The following KCNH1 variants were observed in gnomAD, a reference collection of about 807,000 sequenced individuals.
KCNH1 encodes voltage-gated delayed rectifier potassium channel KCNH1.
A neutral mutation model predicts 69.2 loss-of-function variants in KCNH1; 27 were observed. The observed-to-expected ratio is 0.39, with a 90% CI of 0.29 to 0.54. The LOEUF (loss-of-function observed/expected upper bound fraction) is 0.54. KCNH1 is among the 20% of genes least tolerant of loss of function. The probability of loss-of-function intolerance (pLI) is 0.68; values close to 1 mark genes in which losing one functional copy is unlikely to be tolerated. For missense variants in KCNH1, 798 were observed against 1,261.6 expected (o/e 0.63, Z 5.57); for synonymous variants, 456 against 487.7 (o/e 0.93, Z 0.86).
intron 7 of KCNH1, among the ~76,000 whole-genome samples, chr1:210,815,620 G>A (rs201817298): frequency 1.4e-4 from 22 of 152,162 alleles, no homozygotes; most frequent in East Asian, 7.7e-4. Context: ...TCTCTACAGG[G>A]CTAGTTCACC....
At chr1:210,844,720 C>G (rs570706079) in intron 7 of KCNH1, among the ~76,000 whole-genome samples, 1 of 152,250 alleles carries the variant, frequency 6.6e-6, no homozygotes, top group South Asian at 2.1e-4. Context: ...CAAGAAATAA[C>G]TAAGATCAGA....
At chr1:211,080,566 G>A (rs890737963) in intron 5 of KCNH1, among the ~76,000 whole-genome samples, 6 of 152,018 alleles carry the variant, frequency 3.9e-5, no homozygotes, top group South Asian at 2.1e-4. Context: ...GACTTCCAAC[G>A]ATACTACAAG....
At chr1:210,904,392 T>C (rs1330338489) in intron 7 of KCNH1, among the ~76,000 whole-genome samples, 1 of 151,216 alleles carries the variant, frequency 6.6e-6, no homozygotes, top group Non-Finnish European at 1.5e-5. Flanking sequence ...CAGGGCCTCA[T>C]CTCTGGTGGA....
chr1:210,695,707 T>G (rs529366250), intron 10 of KCNH1, among the ~76,000 whole-genome samples: 17 of 152,054 alleles, frequency 1.1e-4, no homozygotes, highest in Non-Finnish European at 1.5e-5. Context: ...ATTAACTTCT[T>G]TGTCTTTGTC....
chr1:210,924,180 C>G (rs1367260777), intron 6 of KCNH1, among the ~76,000 whole-genome samples: 2 of 152,218 alleles, frequency 1.3e-5, no homozygotes, highest in African/African-American at 4.8e-5. Flanking sequence ...TGATTTTAGA[C>G]TTCTAACCTC....
chr1:210,709,752 G>GAA (rs1452462680), intron 10 of KCNH1, among the ~76,000 whole-genome samples: 237 of 151,470 alleles, frequency 1.6e-3, no homozygotes, highest in African/African-American at 5.4e-3. Flanking sequence ...AAGAGAGAGA[G>GAA]AGAGAGAGAG....
chr1:210,743,025 A>T (rs568342454), intron 10 of KCNH1, among the ~76,000 whole-genome samples: 2 of 152,334 alleles, frequency 1.3e-5, no homozygotes, highest in East Asian at 3.9e-4. Flanking sequence ...TAAATTAAGA[A>T]TCAAGGAAGG....
chr1:210,812,042 A>G lies in KCNH1; in HGVS notation c.1463-7876T>C, dbSNP rs183989618. On this transcript the variant is annotated intron_variant, in intron 7 of 10. Transcript: ENST00000271751. Reference sequence around the variant, plus strand: ...TATATTTCTAACAAGATCCCAGGTGATACTTTTACTGCTAAGAACTTTGAG... The same window carrying G: ...TATATTTCTAACAAGATCCCAGGTGGTACTTTTACTGCTAAGAACTTTGAG... 3.9e-5 allele frequency among the ~76,000 whole-genome samples: 6 copies of G among 152,314 alleles called. No homozygotes were observed. In the East Asian group the frequency reaches 1.2e-3, roughly 29 times the overall value.
At chr1:210,732,508 T>C (rs777352069) in intron 10 of KCNH1, among the ~76,000 whole-genome samples, 5 of 152,210 alleles carry the variant, frequency 3.3e-5, no homozygotes, top group Non-Finnish European at 7.3e-5. Context: ...TGTGTGTTCA[T>C]GACTCAAGGC....
intron 10 of KCNH1, among the ~76,000 whole-genome samples, chr1:210,689,831 C>T (rs1193257643): frequency 1.3e-5 from 2 of 152,192 alleles, no homozygotes; most frequent in Admixed American, 6.5e-5. Flanking sequence ...GAGAATTTCC[C>T]GTGGCAGGGC....
intron 10 of KCNH1, among the ~76,000 whole-genome samples, chr1:210,693,160 C>T (rs1031930072): frequency 1.1e-4 from 16 of 152,220 alleles, no homozygotes; most frequent in African/African-American, 2.7e-4. Flanking sequence ...CTTGATCTTT[C>T]GAAGCCTTAG....
chr1:211,041,768 T>G (rs964610939), intron 5 of KCNH1, among the ~76,000 whole-genome samples: 2 of 152,126 alleles, frequency 1.3e-5, no homozygotes, highest in Non-Finnish European at 2.9e-5. Flanking sequence ...TGTTGTTGTT[T>G]TTTTGAGATG....
chr1:210,779,828 G>A (rs1001072905), intron 9 of KCNH1, among the ~76,000 whole-genome samples: 7 of 152,104 alleles, frequency 4.6e-5, no homozygotes, highest in African/African-American at 1.7e-4. Flanking sequence ...CAATTATATG[G>A]AGCTGTCTTT....
chr1:211,048,767 C>A (rs566940681), intron 5 of KCNH1, among the ~76,000 whole-genome samples: 1 of 152,222 alleles, frequency 6.6e-6, no homozygotes, highest in East Asian at 1.9e-4. Context: ...ATGGGTGTAC[C>A]AAACCTCAGA....
At chr1:210,698,425 CT>C (rs1314058845) in intron 10 of KCNH1, among the ~76,000 whole-genome samples, 1 of 152,008 alleles carries the variant, frequency 6.6e-6, no homozygotes, top group Non-Finnish European at 1.5e-5. Context: ...GACAGAGGCC[CT>C]AAGAGAAGAA....
intron 7 of KCNH1, among the ~76,000 whole-genome samples, chr1:210,838,499 T>C (rs887355437): frequency 2.0e-4 from 30 of 152,236 alleles, no homozygotes; most frequent in African/African-American, 6.7e-4. Context: ...ATTCAGGACA[T>C]AGGCATGGGC....
At chr1:210,979,981 T>G (rs1043973593) in intron 6 of KCNH1, among the ~76,000 whole-genome samples, 7 of 152,226 alleles carry the variant, frequency 4.6e-5, no homozygotes, top group African/African-American at 1.7e-4. Context: ...CAAGATGTTG[T>G]GGACAAATAT....
chr1:210,777,180 C>G (rs1683878101), intron 9 of KCNH1, among the ~76,000 whole-genome samples: 1 of 152,202 alleles, frequency 6.6e-6, no homozygotes, highest in Admixed American at 6.5e-5. Flanking sequence ...GGTAATTATA[C>G]TTCCAAGTAC....
At chr1:210,961,184 C>T (rs1357303102) in intron 6 of KCNH1, among the ~76,000 whole-genome samples, 1 of 151,338 alleles carries the variant, frequency 6.6e-6, no homozygotes, top group African/African-American at 2.4e-5. Context: ...GGGTGTTTGT[C>T]TTATTGAGTT....
Sources: gnomAD v4.1 joint callset for allele counts (sites outside exome capture counted in the v4.1 genomes callset) on GRCh38, gnomAD v4.1.1 for gene constraint, MANE v1.5 for transcripts, NCBI Gene and HGNC (gene_info 2026-07-23, HGNC 2026-07-21) for gene names.